Variants in CMPK1 observed in about 807,000 individuals in gnomAD.
CMPK1 encodes the protein cytidine/uridine monophosphate kinase 1.
CMPK1 carries 10 observed loss-of-function variants against 25.7 expected under a neutral mutation model. The observed-to-expected ratio is 0.39, with a 90% CI of 0.24 to 0.66. The LOEUF (loss-of-function observed/expected upper bound fraction) is 0.66. Ranked by LOEUF, CMPK1 falls within the 30% of genes least tolerant of loss-of-function variation. The probability of loss-of-function intolerance (pLI) is 0.48; values close to 1 mark genes in which losing one functional copy is unlikely to be tolerated. For missense variants in CMPK1, 199 were observed against 280.5 expected (o/e 0.71, Z 2.08); for synonymous variants, 106 against 101.5 (o/e 1.04, Z -0.27).
Position 47,364,064 on chromosome 1 carries a change from C to G in CMPK1, c.172-4405C>G, listed in dbSNP as rs151093284. ...ACTGGTGCATCTGGATGACCTCCCC[C>G]CATAGTACCTGCAGCATTTTGGGGT... On this transcript the variant is annotated intron_variant, in intron 1 of 5. Coordinates refer to ENST00000371873, the MANE Select transcript of CMPK1 (RefSeq NM_016308.3). Among the ~76,000 whole-genome samples, 444 of 152,216 alleles carry G rather than the reference C, an allele frequency of 2.9e-3. 1 individual carries two copies. Among genetic ancestry groups the G allele is most frequent in the African/African-American group, 0.01 (421 of 41,532 alleles).
At chr1:47,362,446 G>A (rs1462429702) in intron 1 of CMPK1, among the ~76,000 whole-genome samples, 2 of 151,826 alleles carry the variant, frequency 1.3e-5, no homozygotes, top group African/African-American at 2.4e-5. Flanking sequence ...GGGATCACAG[G>A]CATAAACCAC....
chr1:47,352,491 C>A (rs193237280), intron 1 of CMPK1, among the ~76,000 whole-genome samples: 4 of 141,872 alleles, frequency 2.8e-5, no homozygotes, highest in African/African-American at 9.9e-5. Flanking sequence ...GGGAAAGAGA[C>A]GGGGTAGTGG....
chr1:47,356,575 G>C (rs765455488), intron 1 of CMPK1, among the ~76,000 whole-genome samples: 8 of 151,026 alleles, frequency 5.3e-5, no homozygotes, highest in Non-Finnish European at 8.9e-5. Flanking sequence ...ATCAAAGTTT[G>C]CTTAAAGTTG....
At chr1:47,334,723 G>A (rs1570343983) in intron 1 of CMPK1, among the ~76,000 whole-genome samples, 1 of 152,324 alleles carries the variant, frequency 6.6e-6, no homozygotes, top group East Asian at 1.9e-4. Flanking sequence ...CCAGCCCTGA[G>A]GCTCGGCCCG....
chr1:47,361,871 C>CTTTT (rs34928345), intron 1 of CMPK1, among the ~76,000 whole-genome samples: 6 of 125,904 alleles, frequency 4.8e-5, no homozygotes, highest in African/African-American at 1.8e-4. Flanking sequence ...AAATACTACT[C>CTTTT]TTTTTTTTTT....
At chr1:47,364,177 A>G (rs1397601582) in intron 1 of CMPK1, among the ~76,000 whole-genome samples, 2 of 151,460 alleles carry the variant, frequency 1.3e-5, no homozygotes, top group Admixed American at 1.3e-4. Context: ...TGGCCAAAAG[A>G]AAAAAAAAGA....
chr1:47,340,035 TCCCTCCCCTC>T (rs147355430), intron 1 of CMPK1, among the ~76,000 whole-genome samples: 65,031 of 111,160 alleles, frequency 0.59, 19,624 homozygotes, highest in African/African-American at 0.81. Flanking sequence ...CCCCTTCCCT[TCCCTCCCCTC>T]CCCTCCCCTC....
intron 1 of CMPK1, among the ~76,000 whole-genome samples, chr1:47,350,934 A>G (rs1473782360): frequency 1.3e-5 from 2 of 151,566 alleles, no homozygotes; most frequent in Non-Finnish European, 2.9e-5. Flanking sequence ...GAAAAATTGG[A>G]AAATACAGAT....
chr1:47,376,365 G>T (rs545451399), intron 5 of CMPK1, among the ~76,000 whole-genome samples: 1 of 151,996 alleles, frequency 6.6e-6, no homozygotes, highest in East Asian at 1.9e-4. Context: ...GCCCAGGCTG[G>T]AGTGCAATGG....
intron 1 of CMPK1, among the ~76,000 whole-genome samples, chr1:47,349,992 G>A (rs1371292841): frequency 2.6e-5 from 4 of 152,118 alleles, no homozygotes; most frequent in Non-Finnish European, 5.9e-5. Context: ...TTTTAGTATA[G>A]ATGGAGTTTC....
intron 1 of CMPK1, among the ~76,000 whole-genome samples, chr1:47,340,084 AT>A (rs1215587035): frequency 1.6e-5 from 1 of 63,502 alleles, no homozygotes; most frequent in Non-Finnish European, 2.7e-5. Context: ...TTTCCTATTT[AT>A]TTATTTATTT....
intron 1 of CMPK1, among the ~76,000 whole-genome samples, chr1:47,357,492 T>TC (rs1239668741): frequency 1.3e-5 from 2 of 151,058 alleles, no homozygotes; most frequent in Non-Finnish European, 3.0e-5. Flanking sequence ...CTTTTTTTTT[T>TC]TTTTTCTTTT....
At chr1:47,362,014 G>A (rs996935933) in intron 1 of CMPK1, among the ~76,000 whole-genome samples, 1 of 151,864 alleles carries the variant, frequency 6.6e-6, no homozygotes, top group Non-Finnish European at 1.5e-5. Flanking sequence ...GGGATTACAG[G>A]CATGCGCCAC....
chr1:47,344,829 T>C (rs1646470915), intron 1 of CMPK1, among the ~76,000 whole-genome samples: 2 of 151,948 alleles, frequency 1.3e-5, no homozygotes, highest in Admixed American at 6.6e-5. Context: ...TTGTTTATCT[T>C]TTAGTTTTGC....
chr1:47,363,313 T>C (rs1646616014), intron 1 of CMPK1, among the ~76,000 whole-genome samples: 1 of 152,200 alleles, frequency 6.6e-6, no homozygotes, highest in African/African-American at 2.4e-5. Context: ...AGATTGTCTG[T>C]AACTGGTAAA....
At chr1:47,369,470 C>T (rs1428167582) in intron 2 of CMPK1, among the ~76,000 whole-genome samples, 1 of 152,166 alleles carries the variant, frequency 6.6e-6, no homozygotes, top group Non-Finnish European at 1.5e-5. Context: ...GCACTTGGTC[C>T]TTTCTTCCCA....
chr1:47,355,907 A>T (rs1646557816), intron 1 of CMPK1, among the ~76,000 whole-genome samples: 1 of 152,150 alleles, frequency 6.6e-6, no homozygotes, highest in Non-Finnish European at 1.5e-5. Flanking sequence ...GCCCAGCCAG[A>T]ATCTCTTTAT....
chr1:47,337,878 T>C (rs1186278235), intron 1 of CMPK1, among the ~76,000 whole-genome samples: 2 of 152,212 alleles, frequency 1.3e-5, no homozygotes. Context: ...CCCAAAGTGC[T>C]GGGATTACAG....
At chr1:47,349,635 C>T (rs1201169139) in intron 1 of CMPK1, among the ~76,000 whole-genome samples, 1 of 152,144 alleles carries the variant, frequency 6.6e-6, no homozygotes, top group African/African-American at 2.4e-5. Flanking sequence ...GGTAACATTG[C>T]ACCTATAAAG....
Sources: allele counts gnomAD v4.1 joint callset (sites outside exome capture counted in the v4.1 genomes callset), GRCh38; gene constraint gnomAD v4.1.1; transcripts MANE v1.5; gene names NCBI Gene and HGNC (gene_info 2026-07-23, HGNC 2026-07-21).